PDIA4: variants seen among roughly 807,000 people sequenced by gnomAD.
PDIA4 encodes the protein protein disulfide-isomerase A4.
A neutral mutation model predicts 62.1 loss-of-function variants in PDIA4; 33 were observed. The ratio of observed to expected loss-of-function variants is 0.53; its 90% CI spans 0.40 to 0.71. The LOEUF (loss-of-function observed/expected upper bound fraction) is 0.71. PDIA4 is among the 30% of genes least tolerant of loss of function. The pLI, the probability that PDIA4 is intolerant of heterozygous loss-of-function variation, is 0.00. For missense variants in PDIA4, 804 were observed against 813.6 expected (o/e 0.99, Z 0.14); for synonymous variants, 341 against 324.1 (o/e 1.05, Z -0.56).
At chr7:149,008,939 T>C (rs928263321) in intron 6 of PDIA4, among the ~76,000 whole-genome samples, 8 of 152,076 alleles carry the variant, frequency 5.3e-5, no homozygotes, top group Admixed American at 3.3e-4. Context: ...ATTTATTATT[T>C]ATTTGAGACG....
rs1408746927 is a variant in PDIA4, at chr7:149,028,421, G to T, written c.-13C>A. On this transcript the variant is annotated 5_prime_UTR_variant, in exon 1 of 10. Coordinates refer to ENST00000652332, the MANE Select transcript of PDIA4 (RefSeq NM_004911.5). ...TCCGGGGCCTCATGGTAGCGGGGGC[G>T]GAGCGCGGCCTCCTAGCGTCGGCGG... 3.4e-6 allele frequency: 5 copies of T among 1,482,130 alleles called. No individual in the cohort carries two copies. Among genetic ancestry groups the T allele is most frequent in the Non-Finnish European group, 4.5e-6 (5 of 1,115,066 alleles). The allele number at this position is 1,482,130 out of a possible 1,614,324, so 91.8% of individuals were successfully genotyped here.
At chr7:149,014,660 T>C (rs1824067252) in intron 4 of PDIA4, among the ~76,000 whole-genome samples, 1 of 152,206 alleles carries the variant, frequency 6.6e-6, no homozygotes, top group Non-Finnish European at 1.5e-5. Context: ...TTCTGCCATC[T>C]TCTTTCCTTT....
In PDIA4 at chr7:149,019,136, T is replaced by C; in HGVS notation, c.331A>G (p.Lys111Glu). The change falls in exon 3 of 10, where the codon AAA becomes GAA. Residue 111 changes from lysine (K) to glutamate (E), a missense_variant. Physicochemically the swap from Lys to Glu is moderately conservative, Grantham distance 56. Transcript: ENST00000652332. ...TTGGCAACAGGAATGGGAGGATCTT[T>C]ATCCTTTAATATGTTGGCAATTTTT... ...YEKIANILKD[K>E]DPPIPVAKID... 7 of 1,613,958 alleles carry C rather than the reference T, an allele frequency of 4.3e-6. No homozygotes were observed. The highest frequency in any genetic ancestry group is 5.9e-6 in the Non-Finnish European group (7 of 1,179,922).
intron 3 of PDIA4, among the ~76,000 whole-genome samples, chr7:149,018,165 G>C (rs1284282599): frequency 6.6e-6 from 1 of 151,936 alleles, no homozygotes; most frequent in Non-Finnish European, 1.5e-5. Context: ...GGAGGCGGAG[G>C]TTGCAGTGAG....
chr7:149,003,674 T>TA lies in PDIA4; in HGVS notation c.*119dup, dbSNP rs762007812. 21,717 of 534,330 alleles carry TA rather than the reference T, an allele frequency of 0.041. 30 individuals carry two copies. Among genetic ancestry groups the TA allele is most frequent in the African/African-American group, 0.05 (2,398 of 47,842 alleles). The allele number at this position is 534,330 out of a possible 1,614,324, so 33.1% of individuals were successfully genotyped here. A position where few individuals can be genotyped will look rare whatever the true frequency, so the allele number is the denominator to read the frequency against. ...AGTGAAACACCAAAGTATAAAAAAT[T>TA]AAAAAAAAAAAAAAAGGAATCCGAG... On this transcript the variant is annotated 3_prime_UTR_variant, in exon 10 of 10. Coordinates refer to ENST00000652332, the MANE Select transcript of PDIA4 (RefSeq NM_004911.5).
At chr7:149,012,628 C>T (rs775620789) in intron 4 of PDIA4, among the ~76,000 whole-genome samples, 4 of 152,130 alleles carry the variant, frequency 2.6e-5, no homozygotes, top group South Asian at 2.1e-4. Flanking sequence ...TTAGTAACTG[C>T]GGCACAGGGG....
Position 149,028,500 on chromosome 7 carries a change from C to A in PDIA4, c.-92G>T, listed in dbSNP as rs547844212. ...TGGCCGACAGCCCGTCGCTCCTTAG[C>A]GACGCGGGGGAGCCGGAAAAACCCA... On this transcript the variant is annotated 5_prime_UTR_variant, in exon 1 of 10. Transcript: ENST00000652332. 49 of 890,246 alleles carry A rather than the reference C, an allele frequency of 5.5e-5. No individual in the cohort carries two copies. The highest frequency in any genetic ancestry group is 7.5e-5 in the Non-Finnish European group (47 of 624,376). The allele number at this position is 890,246 out of a possible 1,614,324, so 55.1% of individuals were successfully genotyped here.
At chr7:149,019,444 G>A (rs1563123220) in intron 2 of PDIA4, among the ~76,000 whole-genome samples, 1 of 152,178 alleles carries the variant, frequency 6.6e-6, no homozygotes, top group African/African-American at 2.4e-5. Flanking sequence ...ACATGGCCGG[G>A]TGCAGTGGCT....
intron 1 of PDIA4, among the ~76,000 whole-genome samples, chr7:149,021,839 C>T (rs1824364206): frequency 6.6e-6 from 1 of 152,168 alleles, no homozygotes; most frequent in Non-Finnish European, 1.5e-5. Context: ...CTTCCTTGTA[C>T]CACCCTCTGC....
rs140097243 is a variant in PDIA4, at chr7:149,005,300, C to T, written c.1363G>A (p.Glu455Lys). 2.0e-5 allele frequency: 32 copies of T among 1,614,176 alleles called. No homozygotes were observed. Among genetic ancestry groups the T allele is most frequent in the Non-Finnish European group, 2.5e-5 (30 of 1,180,026 alleles). The change falls in exon 9 of 10, where the codon GAA becomes AAA. Residue 455 changes from glutamate (E) to lysine (K), a missense_variant. Coordinates refer to ENST00000652332, the MANE Select transcript of PDIA4 (RefSeq NM_004911.5). ...FPEYTFAIAD[E>K]EDYAGEVKDL... ...TTCACCTCCCCAGCATAGTCCTCTT[C>T]GTCCGCAATGGCAAAGGTGTACTCA...
chr7:149,003,691 G>T lies in PDIA4; in HGVS notation c.*103C>A, dbSNP rs79230993. ...TAAAAAATTAAAAAAAAAAAAAAAG[G>T]AATCCGAGATACTGTCGTTTGTTGC... On this transcript the variant is annotated 3_prime_UTR_variant, in exon 10 of 10. Transcript: ENST00000652332. 4.2e-6 allele frequency: 3 copies of T among 717,348 alleles called. No homozygotes were observed. Among genetic ancestry groups the T allele is most frequent in the Non-Finnish European group, 6.3e-6 (3 of 477,010 alleles). The allele number at this position is 717,348 out of a possible 1,614,324, so 44.4% of individuals were successfully genotyped here.
rs1397567662 is a variant in PDIA4 at position 149,003,431 on chromosome 7, CAAAA to C, written c.*359_*362del. On this transcript the variant is annotated 3_prime_UTR_variant, in exon 10 of 10. Transcript: ENST00000652332. ...TCTCAGACAACGAAAAAGCAAAGAG[CAAAA>C]TCAACATGATTTGGAAAAGGAATTT... The C allele has an allele frequency of 3.3e-4, 55 of 169,002 alleles. 1 individual carries two copies. Among genetic ancestry groups the C allele is most frequent in the Admixed American group, 1.0e-3 (16 of 15,740 alleles). 10.5% of individuals were successfully genotyped at this position (169,002 alleles called of 1,614,324 possible). A position where few individuals can be genotyped will look rare whatever the true frequency, so the allele number is the denominator to read the frequency against.
At chr7:149,019,582 G>T (rs1485533469) in intron 2 of PDIA4, among the ~76,000 whole-genome samples, 1 of 152,106 alleles carries the variant, frequency 6.6e-6, no homozygotes, top group Non-Finnish European at 1.5e-5. Context: ...AGGCCAAGGT[G>T]GGCGGATCAC....
At position 149,028,349 on chromosome 7, in the gene PDIA4, G is replaced by A. The variant is rs762131793; in HGVS notation, c.60C>T (p.Ala20=). Reference sequence around the variant, plus strand: ...CGTCCGGGCCCTCGGCACCCGCCACGGCCAGCAGCTGCACCAGCCCCAAGA... The same window carrying A: ...CGTCCGGGCCCTCGGCACCCGCCACAGCCAGCAGCTGCACCAGCCCCAAGA... ...LLLLGLVQLL[A]VAGAEGPDED... is the part of the protein sequence containing the mutation. Residue 20 remains alanine, a synonymous_variant, in exon 1 of 10, where the codon GCC becomes GCT. Coordinates refer to ENST00000652332, the MANE Select transcript of PDIA4 (RefSeq NM_004911.5). The A allele has an allele frequency of 2.5e-5, 38 of 1,525,488 alleles. No individual in the cohort carries two copies. Among genetic ancestry groups the A allele is most frequent in the Non-Finnish European group, 3.0e-5 (34 of 1,138,474 alleles). 94.5% of individuals were successfully genotyped at this position (1,525,488 alleles called of 1,614,324 possible). A position where few individuals can be genotyped will look rare whatever the true frequency, so the allele number is the denominator to read the frequency against.
At chr7:149,024,181 A>G (rs961614088) in intron 1 of PDIA4, among the ~76,000 whole-genome samples, 2 of 152,020 alleles carry the variant, frequency 1.3e-5, no homozygotes, top group African/African-American at 4.8e-5. Flanking sequence ...CAGGAAGCAG[A>G]GGATGCAGTG....
chr7:149,016,051 T>C (rs1824125802), intron 3 of PDIA4, among the ~76,000 whole-genome samples: 1 of 152,144 alleles, frequency 6.6e-6, no homozygotes, highest in Admixed American at 6.5e-5. Flanking sequence ...TCCCAGAACT[T>C]TGGGAGGCCG....
Position 149,004,369 on chromosome 7 carries a change from ACT to A in PDIA4, c.1523-162_1523-161del, listed in dbSNP as rs372693192. ...TAGAAAGTAGTAGCTGCTACTCTCTACTCTCTGTCCTTGCAAAGGCCAGAGAG... is the reference window on the plus strand; with the variant it reads ...TAGAAAGTAGTAGCTGCTACTCTCTACTCTGTCCTTGCAAAGGCCAGAGAG... On this transcript the variant is annotated intron_variant, in intron 9 of 9. Coordinates refer to ENST00000652332, the MANE Select transcript of PDIA4 (RefSeq NM_004911.5). 6.4e-3 allele frequency among the ~76,000 whole-genome samples: 972 copies of A among 151,966 alleles called. 6 individuals carry two copies. The highest frequency in any genetic ancestry group is 0.023 in the African/African-American group (934 of 41,442).
At chr7:149,025,093 T>A (rs868494442) in intron 1 of PDIA4, among the ~76,000 whole-genome samples, 2,719 of 37,566 alleles carry the variant, frequency 0.072, 78 homozygotes, top group South Asian at 0.17. Context: ...AAAATATATA[T>A]ATATATATAT....
chr7:149,024,814 TAAAAAAAAAAAAAA>T (rs539798193), intron 1 of PDIA4, among the ~76,000 whole-genome samples: 2 of 89,396 alleles, frequency 2.2e-5, no homozygotes, highest in African/African-American at 1.0e-4. Context: ...GACTGTCATT[TAAAAAAAAAAAAAA>T]AAAAAAAAAA....
Sources: allele counts gnomAD v4.1 joint callset (sites outside exome capture counted in the v4.1 genomes callset), GRCh38; gene constraint gnomAD v4.1.1; transcripts MANE v1.5; gene names NCBI Gene and HGNC (gene_info 2026-07-23, HGNC 2026-07-21).